The following LRRC1 variants were observed in gnomAD, a reference collection of about 807,000 sequenced individuals.
LRRC1 encodes leucine rich repeat containing 1.
Under a neutral mutation model 69.9 loss-of-function variants are expected in LRRC1, and 28 were observed. The observed-to-expected ratio is 0.40, with a 90% CI of 0.30 to 0.55. The LOEUF is 0.55. LRRC1 is among the 20% of genes least tolerant of loss of function. The probability of loss-of-function intolerance (pLI) is 0.47; values close to 1 mark genes in which losing one functional copy is unlikely to be tolerated. For missense variants in LRRC1, 498 were observed against 609.0 expected, an observed-to-expected ratio of 0.82 and a Z score of 1.92; for synonymous variants, 236 against 240.2, an observed-to-expected ratio of 0.98 and a Z score of 0.16.
At position 53,919,585 on chromosome 6, in the gene LRRC1, C is replaced by A; in HGVS notation, c.1194C>A (p.Phe398Leu). 1 of 1,613,794 alleles carries A rather than the reference C, an allele frequency of 6.2e-7. No individual in the cohort carries two copies. The highest frequency in any genetic ancestry group is 8.5e-7 in the Non-Finnish European group (1 of 1,179,916). The change falls in exon 12 of 14, where the codon TTC becomes TTA. Residue 398 changes from phenylalanine to leucine, a missense_variant. Around this residue, in one of 3 missense-constraint regions of LRRC1, gnomAD observed 162 missense variants for 162.9 expected, o/e 0.99. Coordinates refer to ENST00000370888, the MANE Select transcript of LRRC1 (RefSeq NM_018214.5). ...ACCAGTCCCAGCCCCTGCTTACATT[C>A]CAGACAGACACAGACTACACCACAG... ...SDNQSQPLLT[F>L]QTDTDYTTGE...
At position 53,922,961 on chromosome 6, in the gene LRRC1, C is replaced by T; in HGVS notation, c.*168C>T. On this transcript the variant is annotated 3_prime_UTR_variant, in exon 14 of 14. Transcript: ENST00000370888. The stretch of plus-strand genomic sequence containing the variant: ...CCCAGGAAGTGCCTTACTCATCCCG[C>T]AACCAGTCAGCGCACCAGTGGTCTC... 1.7e-6 allele frequency: 1 copy of T among 590,192 alleles called. No homozygotes were observed. Among genetic ancestry groups the T allele is most frequent in the Non-Finnish European group, 3.0e-6 (1 of 338,710 alleles). The allele number at this position is 590,192 out of a possible 1,614,324, so 36.6% of individuals were successfully genotyped here.
At chr6:53,919,466 G>A (rs1386139969) in intron 11 of LRRC1, 32 bp from the exon 12 acceptor site, 27 of 1,361,108 alleles carry the variant, frequency 2.0e-5, no homozygotes, top group Non-Finnish European at 2.6e-5. Flanking sequence ...AGGTTGTGAT[G>A]TCTCTTTTTT....
chr6:53,820,360 C>T (rs1175863479), intron 1 of LRRC1, among the ~76,000 whole-genome samples: 1 of 149,874 alleles, frequency 6.7e-6, no homozygotes, highest in Non-Finnish European at 1.5e-5. Flanking sequence ...CTCTATTTCA[C>T]AGGCTTGTTA....
chr6:53,807,327 T>C (rs1278954307), intron 1 of LRRC1, among the ~76,000 whole-genome samples: 1 of 152,232 alleles, frequency 6.6e-6, no homozygotes, highest in East Asian at 1.9e-4. Flanking sequence ...CTGGCTGTGC[T>C]TCAGGCATCG....
At chr6:53,844,647 TTTGTTG>T (rs753928943) in intron 2 of LRRC1, among the ~76,000 whole-genome samples, 1 of 152,060 alleles carries the variant, frequency 6.6e-6, no homozygotes, top group African/African-American at 2.4e-5. Flanking sequence ...TACCCTGCTT[TTTGTTG>T]TTGTTGTTGT....
chr6:53,900,016 TA>T, intron 8 of LRRC1, 125 bp downstream of exon 8: 1 of 554,812 alleles, frequency 1.8e-6, no homozygotes, highest in Non-Finnish European at 2.8e-6. Context: ...AAAGTCTCCT[TA>T]CTGTTTTTTT....
intron 1 of LRRC1, among the ~76,000 whole-genome samples, chr6:53,807,807 A>G (rs1764678651): frequency 6.6e-6 from 1 of 152,220 alleles, no homozygotes; most frequent in African/African-American, 2.4e-5. Context: ...GAAGTACTGT[A>G]GAGAGTGATG....
At chr6:53,859,724 G>A (rs1385800035) in intron 2 of LRRC1, among the ~76,000 whole-genome samples, 1 of 152,040 alleles carries the variant, frequency 6.6e-6, no homozygotes, top group Non-Finnish European at 1.5e-5. Flanking sequence ...AGGAGGGGCA[G>A]GTTGTTGACT....
At chr6:53,922,341 C>A (rs1562077315) in intron 13 of LRRC1, among the ~76,000 whole-genome samples, 1 of 152,116 alleles carries the variant, frequency 6.6e-6, no homozygotes, top group Non-Finnish European at 1.5e-5. Context: ...AATGTTCTTG[C>A]TGTTTATGGA....
intron 10 of LRRC1, among the ~76,000 whole-genome samples, chr6:53,913,356 G>GAA (rs202165012): frequency 2.1e-5 from 3 of 139,804 alleles, no homozygotes; most frequent in African/African-American, 5.2e-5. Flanking sequence ...CCCTCTTTTT[G>GAA]AAAAAAAAAA....
chr6:53,840,883 T>TG lies in LRRC1; in HGVS notation c.160-1227_160-1226insG, dbSNP rs1765759212. 9.9e-5 allele frequency among the ~76,000 whole-genome samples: 13 copies of TG among 131,960 alleles called. No homozygotes were observed. The South Asian group carries it at 1.5e-3, about 15-fold the overall frequency. 86.6% of individuals were successfully genotyped at this position (131,960 alleles called of 152,430 possible). On this transcript the variant is annotated intron_variant, in intron 1 of 13. Transcript: ENST00000370888. ...TTCCTCTGGGGTGGGGGGGTATGTG[T>TG]TTGTGTGTGTGTGTGTGTGTGTGTG...
intron 4 of LRRC1, 140 bp from the exon 5 acceptor site, chr6:53,896,358 A>G (rs559034935): frequency 1.6e-5 from 11 of 690,846 alleles, no homozygotes; most frequent in Non-Finnish European, 2.6e-5. Flanking sequence ...GGTGGTGATG[A>G]TAGGTATTTT....
chr6:53,893,071 T>C (rs2127434553), intron 4 of LRRC1, among the ~76,000 whole-genome samples: 1 of 152,286 alleles, frequency 6.6e-6, no homozygotes, highest in African/African-American at 2.4e-5. Flanking sequence ...ATGACATCCG[T>C]GATTAGCAGC....
intron 11 of LRRC1, among the ~76,000 whole-genome samples, chr6:53,917,888 A>G (rs1768617651): frequency 6.6e-6 from 1 of 152,268 alleles, no homozygotes; most frequent in Admixed American, 6.5e-5. Context: ...CCTGGCAAAT[A>G]CATGTTTTTA....
intron 11 of LRRC1, among the ~76,000 whole-genome samples, chr6:53,918,587 C>T (rs1362619734): frequency 2.6e-5 from 4 of 152,072 alleles, no homozygotes; most frequent in Non-Finnish European, 4.4e-5. Context: ...CCTGTAAGTT[C>T]TGTCAATTGA....
intron 1 of LRRC1, among the ~76,000 whole-genome samples, chr6:53,827,745 T>C (rs1765315096): frequency 6.6e-6 from 1 of 152,190 alleles, no homozygotes; most frequent in Middle Eastern, 3.2e-3. Flanking sequence ...GAGAGGTTTG[T>C]TGAAGGTGTG....
intron 2 of LRRC1, among the ~76,000 whole-genome samples, chr6:53,855,619 G>A (rs1184078862): frequency 3.9e-5 from 6 of 152,176 alleles, no homozygotes; most frequent in African/African-American, 1.4e-4. Context: ...ATTGTGGTGT[G>A]CCTGTTTACC....
intron 11 of LRRC1, among the ~76,000 whole-genome samples, chr6:53,916,188 T>C (rs1254148027): frequency 1.3e-5 from 2 of 152,202 alleles, no homozygotes; most frequent in African/African-American, 4.8e-5. Context: ...CTCTCTCCCA[T>C]AGGAATATCC....
intron 2 of LRRC1, among the ~76,000 whole-genome samples, chr6:53,862,807 G>GA (rs907647214): frequency 2.0e-5 from 3 of 152,028 alleles, no homozygotes; most frequent in African/African-American, 7.2e-5. Context: ...GGATGCATTT[G>GA]AAAAAAATTC....
Sources: allele counts gnomAD v4.1 joint callset (sites outside exome capture counted in the v4.1 genomes callset), GRCh38; gene constraint gnomAD v4.1.1; regional missense constraint gnomAD v4.1.1; transcripts MANE v1.5; gene names NCBI Gene and HGNC (gene_info 2026-07-23, HGNC 2026-07-21).